HHAT: variants seen among roughly 807,000 people sequenced by gnomAD.
HHAT encodes protein-cysteine N-palmitoyltransferase HHAT.
A neutral mutation model predicts 70.8 loss-of-function variants in HHAT; 47 were observed. That is an observed-to-expected ratio of 0.66 (90% CI 0.53 to 0.85). The LOEUF (loss-of-function observed/expected upper bound fraction) is 0.85. HHAT is among the 40% of genes least tolerant of loss of function. The probability of loss-of-function intolerance (pLI) is 0.00; values close to 1 mark genes in which losing one functional copy is unlikely to be tolerated. For synonymous variants in HHAT, 228 were observed against 247.6 expected, an observed-to-expected ratio of 0.92 and a Z score of 0.74; for missense variants, 609 against 604.8, an observed-to-expected ratio of 1.01 and a Z score of -0.07.
At chr1:210,571,933 C>T (rs748058688) in intron 9 of HHAT, among the ~76,000 whole-genome samples, 7 of 152,216 alleles carry the variant, frequency 4.6e-5, no homozygotes, top group South Asian at 4.1e-4. Flanking sequence ...AATGTGCACT[C>T]AAGACTTTAC....
intron 9 of HHAT, among the ~76,000 whole-genome samples, chr1:210,566,357 A>G (rs138921144): frequency 3.0e-4 from 46 of 152,298 alleles, no homozygotes; most frequent in African/African-American, 1.1e-3. Context: ...GACAGGAGAC[A>G]GGGAAATACT....
chr1:210,356,138 G>A (rs2147999893), intron 2 of HHAT, among the ~76,000 whole-genome samples: 1 of 151,438 alleles, frequency 6.6e-6, no homozygotes, highest in Admixed American at 6.6e-5. Context: ...TGTTGCCCAG[G>A]CTGGTCTTAA....
intron 11 of HHAT, among the ~76,000 whole-genome samples, chr1:210,662,018 T>G (rs1034743665): frequency 5.3e-5 from 8 of 152,240 alleles, no homozygotes; most frequent in African/African-American, 1.9e-4. Flanking sequence ...AAATAAAATC[T>G]GCTAAGTTTA....
At chr1:210,408,772 G>A (rs756937791) in intron 6 of HHAT, among the ~76,000 whole-genome samples, 80 of 152,154 alleles carry the variant, frequency 5.3e-4, no homozygotes, top group Non-Finnish European at 7.9e-4. Flanking sequence ...TTAGTACTTG[G>A]CATGGGCTCT....
chr1:210,673,755 CTTAT>C (rs1553331246), intron 11 of HHAT, among the ~76,000 whole-genome samples: 4 of 70,484 alleles, frequency 5.7e-5, no homozygotes, highest in Admixed American at 3.2e-4. Flanking sequence ...CCATGCCTGG[CTTAT>C]TTATTATTTA....
At chr1:210,502,537 A>G (rs774716206) in intron 8 of HHAT, among the ~76,000 whole-genome samples, 54 of 152,258 alleles carry the variant, frequency 3.5e-4, no homozygotes, top group South Asian at 6.2e-4. Flanking sequence ...CAGGTCCCTT[A>G]TTGGCCGCAT....
intron 8 of HHAT, among the ~76,000 whole-genome samples, chr1:210,466,419 T>C (rs1284013888): frequency 6.6e-6 from 1 of 152,218 alleles, no homozygotes; most frequent in African/African-American, 2.4e-5. Context: ...AAGGTGACCC[T>C]GGTTGGAAGG....
intron 8 of HHAT, among the ~76,000 whole-genome samples, chr1:210,498,624 G>A (rs546413433): frequency 6.6e-6 from 1 of 152,314 alleles, no homozygotes; most frequent in African/African-American, 2.4e-5. Context: ...GGTGGCTACT[G>A]AAGGTGTTGT....
At chr1:210,629,842 TTTG>T (rs1670521964) in intron 11 of HHAT, among the ~76,000 whole-genome samples, 5 of 145,446 alleles carry the variant, frequency 3.4e-5, no homozygotes, top group Admixed American at 2.1e-4. Context: ...TTTTTTGTTT[TTTG>T]TTTTTTGTTT....
intron 2 of HHAT, among the ~76,000 whole-genome samples, chr1:210,353,485 G>T (rs1220410778): frequency 2.9e-5 from 4 of 135,996 alleles, no homozygotes; most frequent in African/African-American, 8.4e-5. Flanking sequence ...GGAAGTCTTT[G>T]ACTATTTCAG....
chr1:210,635,838 CAA>C (rs1671768093), intron 11 of HHAT, among the ~76,000 whole-genome samples: 2 of 152,292 alleles, frequency 1.3e-5, no homozygotes, highest in South Asian at 2.1e-4. Flanking sequence ...AATGTCAAAA[CAA>C]AGAGGGGACG....
chr1:210,373,482 G>A (rs1383870993), intron 3 of HHAT, among the ~76,000 whole-genome samples: 1 of 152,174 alleles, frequency 6.6e-6, no homozygotes, highest in Admixed American at 6.5e-5. Context: ...ACAGGGGCAC[G>A]TGGGAGAAGA....
At chr1:210,334,813 C>T (rs2085335407) in intron 1 of HHAT, among the ~76,000 whole-genome samples, 1 of 151,284 alleles carries the variant, frequency 6.6e-6, no homozygotes, top group Non-Finnish European at 1.5e-5. Context: ...ATGTTATGAA[C>T]GATTTCATGG....
chr1:210,598,200 T>G (rs538310126), intron 10 of HHAT, among the ~76,000 whole-genome samples: 3 of 151,870 alleles, frequency 2.0e-5, no homozygotes, highest in Admixed American at 1.3e-4. Context: ...GTATCCAAAT[T>G]GCAAGACAAA....
intron 10 of HHAT, among the ~76,000 whole-genome samples, chr1:210,593,016 C>T (rs1219111428): frequency 6.6e-6 from 1 of 152,074 alleles, no homozygotes; most frequent in African/African-American, 2.4e-5. Flanking sequence ...TCTCCTAATG[C>T]TATCCCTCCC....
At chr1:210,509,688 C>T (rs1014865901) in intron 8 of HHAT, among the ~76,000 whole-genome samples, 10 of 152,180 alleles carry the variant, frequency 6.6e-5, no homozygotes, top group African/African-American at 1.2e-4. Context: ...AACATCCCCC[C>T]TTCTCCACTC....
chr1:210,642,769 A>T (rs535010998), intron 11 of HHAT, among the ~76,000 whole-genome samples: 11 of 152,246 alleles, frequency 7.2e-5, no homozygotes, highest in Non-Finnish European at 1.5e-4. Context: ...TATATGTTGT[A>T]AATATGTTCT....
chr1:210,349,682 C>T (rs893921498), intron 2 of HHAT, among the ~76,000 whole-genome samples: 7 of 134,272 alleles, frequency 5.2e-5, no homozygotes, highest in East Asian at 2.1e-4. Context: ...GACCTAGTTT[C>T]GCTCTTGTCG....
intron 9 of HHAT, among the ~76,000 whole-genome samples, chr1:210,557,444 G>A (rs899690891): frequency 2.6e-5 from 4 of 152,110 alleles, no homozygotes; most frequent in East Asian, 1.9e-4. Flanking sequence ...ACTTGTACAC[G>A]AATGTCTCCT....
Sources: gnomAD v4.1 joint callset for allele counts (sites outside exome capture counted in the v4.1 genomes callset) on GRCh38, gnomAD v4.1.1 for gene constraint, MANE v1.5 for transcripts, NCBI Gene and HGNC (gene_info 2026-07-23, HGNC 2026-07-21) for gene names.